TRAPPC12: variants seen among roughly 807,000 people sequenced by gnomAD.
TRAPPC12 encodes trafficking protein particle complex subunit 12, also known as TPR repeat protein 15.
In TRAPPC12, 61 loss-of-function variants were observed where a neutral mutation model predicts 69.2. That is an observed-to-expected ratio of 0.88 (90% CI 0.72 to 1.09). The LOEUF is 1.09. TRAPPC12 is among the 50% of genes least tolerant of loss of function. The pLI, the probability that TRAPPC12 is intolerant of heterozygous loss-of-function variation, is 0.00. For synonymous variants in TRAPPC12, 469 were observed against 438.9 expected (o/e 1.07, Z -0.86); for missense variants, 1,101 against 1,016.4 (o/e 1.08, Z -1.13).
intron 3 of TRAPPC12, among the ~76,000 whole-genome samples, chr2:3,417,598 G>A (rs969636577): frequency 3.3e-5 from 5 of 152,072 alleles, no homozygotes; most frequent in Admixed American, 6.5e-5. Context: ...GTGTCCCCCC[G>A]AGCCTAGCAC....
chr2:3,402,696 G>A (rs12105805), intron 3 of TRAPPC12, among the ~76,000 whole-genome samples: 3,346 of 152,314 alleles, frequency 0.022, 150 homozygotes, highest in African/African-American at 0.075. Context: ...CTGTAATTGC[G>A]TTGGGTAGCT....
In TRAPPC12 at chr2:3,460,247, T is replaced by C. The variant is rs1665410157; in HGVS notation, c.1604-16T>C. On this transcript the variant is annotated splice_polypyrimidine_tract_variant and intron_variant, in intron 7 of 11. Coordinates refer to ENST00000324266, the MANE Select transcript of TRAPPC12 (RefSeq NM_016030.6). Reference sequence around the variant, plus strand: ...CGAATTTATTTGTGCACTTACAGGCTGCTCTTACCTTGTAGCCTCTATCCG... The same window carrying C: ...CGAATTTATTTGTGCACTTACAGGCCGCTCTTACCTTGTAGCCTCTATCCG... 2 of 873,170 alleles carry C rather than the reference T, an allele frequency of 2.3e-6. No homozygotes were observed. Among genetic ancestry groups the C allele is most frequent in the South Asian group, 2.6e-5 (2 of 76,550 alleles). The allele number at this position is 873,170 out of a possible 1,614,324, so 54.1% of individuals were successfully genotyped here.
At chr2:3,403,294 G>A (rs1197727588) in intron 3 of TRAPPC12, among the ~76,000 whole-genome samples, 10 of 145,156 alleles carry the variant, frequency 6.9e-5, no homozygotes, top group South Asian at 4.3e-4. Flanking sequence ...GTGCAATGGC[G>A]TGATCTCAGC....
intron 2 of TRAPPC12, among the ~76,000 whole-genome samples, chr2:3,399,788 T>TA (rs1207980225): frequency 6.6e-6 from 1 of 152,010 alleles, no homozygotes; most frequent in Non-Finnish European, 1.5e-5. Context: ...AAACAACTTC[T>TA]ATGCTTTTCT....
intron 3 of TRAPPC12, among the ~76,000 whole-genome samples, chr2:3,413,584 T>C (rs182313228): frequency 2.6e-4 from 40 of 152,296 alleles, no homozygotes; most frequent in Admixed American, 5.9e-4. Context: ...CAAGAACATA[T>C]TTGAGGATAT....
Position 3,414,846 on chromosome 2 carries a change from T to G in TRAPPC12, c.1165-7035T>G, listed in dbSNP as rs1055880606. On this transcript the variant is annotated intron_variant, in intron 3 of 11. Transcript: ENST00000324266. This position sits in a 1 kb window ranked among gnomAD's most constrained non-coding sequence, Gnocchi z 4.9. ...ATAAACACACGTATGTGTGCATGTATGTATTTCTTATGGACATCACGTACG... is the reference window on the plus strand; with the variant it reads ...ATAAACACACGTATGTGTGCATGTAGGTATTTCTTATGGACATCACGTACG... 6.6e-6 allele frequency among the ~76,000 whole-genome samples: 1 copy of G among 152,212 alleles called. No individual in the cohort carries two copies. Among genetic ancestry groups the G allele is most frequent in the Non-Finnish European group, 1.5e-5 (1 of 68,042 alleles).
intron 3 of TRAPPC12, among the ~76,000 whole-genome samples, chr2:3,415,856 G>A (rs1662352262): frequency 6.6e-6 from 1 of 151,792 alleles, no homozygotes; most frequent in Admixed American, 6.6e-5. Context: ...AGCTGGGACT[G>A]CAGGCGCCCA....
rs745941993 is a variant in TRAPPC12 at position 3,388,028 on chromosome 2, G to A, written c.405G>A (p.Ala135=). The A allele has an allele frequency of 6.8e-7, 1 of 1,475,590 alleles. No individual in the cohort carries two copies. The highest frequency in any genetic ancestry group is 8.9e-7 in the Non-Finnish European group (1 of 1,120,044). 91.4% of individuals were successfully genotyped at this position (1,475,590 alleles called of 1,614,324 possible). A position where few individuals can be genotyped will look rare whatever the true frequency, so the allele number is the denominator to read the frequency against. The change falls in exon 2 of 12, where the codon GCG becomes GCA. Residue 135 remains alanine (A), a synonymous_variant. Transcript: ENST00000324266. ...GCGGAGGGGCCCCGAGGCAGGACGCGGCCCGCGAGGTCCCAGGCAGCGAAG... is the reference window on the plus strand; with the variant it reads ...GCGGAGGGGCCCCGAGGCAGGACGCAGCCCGCGAGGTCCCAGGCAGCGAAG... The part of the protein sequence containing the change: ...PSSGGAPRQD[A]AREVPGSEAA...
At chr2:3,391,488 A>G (rs548993039) in intron 2 of TRAPPC12, among the ~76,000 whole-genome samples, 21 of 152,342 alleles carry the variant, frequency 1.4e-4, no homozygotes, top group Admixed American at 8.5e-4. Flanking sequence ...GTGTAAGCCT[A>G]TAGACATCCG....
At chr2:3,428,973 C>T (rs1009767793) in intron 5 of TRAPPC12, among the ~76,000 whole-genome samples, 2 of 152,208 alleles carry the variant, frequency 1.3e-5, no homozygotes, top group Non-Finnish European at 2.9e-5. Flanking sequence ...GCTTCTTCCC[C>T]TCTCAGACCC....
intron 9 of TRAPPC12, chr2:3,466,277 C>T: frequency 2.1e-6 from 1 of 471,230 alleles, no homozygotes; most frequent in Non-Finnish European, 4.4e-6. Context: ...CAGCTTCTGC[C>T]CCTCTCACCC....
intron 3 of TRAPPC12, among the ~76,000 whole-genome samples, chr2:3,409,705 G>A (rs1002934223): frequency 4.7e-5 from 6 of 128,734 alleles, no homozygotes; most frequent in South Asian, 2.6e-4. Flanking sequence ...AGCCCTGATC[G>A]CACCACTGCA....
intron 7 of TRAPPC12, chr2:3,458,050 C>A: frequency 2.7e-6 from 1 of 364,564 alleles, no homozygotes. Flanking sequence ...AGAGAGGCCT[C>A]TGCGTCGGGG....
chr2:3,443,723 A>G (rs776184674), intron 5 of TRAPPC12, 56 bp from the exon 6 acceptor site: 2 of 1,385,026 alleles, frequency 1.4e-6, no homozygotes, highest in Non-Finnish European at 2.1e-6. Context: ...TGTGCCAAGT[A>G]TGAATGCGTG....
chr2:3,400,999 C>T (rs1044821049), intron 2 of TRAPPC12, among the ~76,000 whole-genome samples: 2 of 152,196 alleles, frequency 1.3e-5, no homozygotes, highest in Non-Finnish European at 2.9e-5. Flanking sequence ...CTTCAGATTC[C>T]ACGTCCAGTG....
chr2:3,465,177 CTT>C (rs1240809034), intron 8 of TRAPPC12, among the ~76,000 whole-genome samples: 1 of 152,216 alleles, frequency 6.6e-6, no homozygotes, highest in East Asian at 1.9e-4. Context: ...TTAAGAGACA[CTT>C]TAAAAATTTG....
At chr2:3,422,885 T>C (rs1322222665) in intron 4 of TRAPPC12, among the ~76,000 whole-genome samples, 1 of 152,268 alleles carries the variant, frequency 6.6e-6, no homozygotes, top group Non-Finnish European at 1.5e-5. Flanking sequence ...AGTTTCTTTA[T>C]TCACATTCAT....
At chr2:3,468,651 A>G (rs530093376) in intron 9 of TRAPPC12, among the ~76,000 whole-genome samples, 2 of 152,274 alleles carry the variant, frequency 1.3e-5, no homozygotes, top group Admixed American at 1.3e-4. Flanking sequence ...GTGTGCTCAG[A>G]ATTGCCCTTG....
At chr2:3,433,729 A>G (rs1421974777) in intron 5 of TRAPPC12, among the ~76,000 whole-genome samples, 2 of 152,162 alleles carry the variant, frequency 1.3e-5, no homozygotes, top group Non-Finnish European at 2.9e-5. Context: ...TTGTAGGAGT[A>G]TTTTCATTTA....
Sources: allele counts gnomAD v4.1 joint callset (sites outside exome capture counted in the v4.1 genomes callset), GRCh38; gene constraint gnomAD v4.1.1; non-coding constraint Gnocchi (gnomAD v3.1); transcripts MANE v1.5; gene names NCBI Gene and HGNC (gene_info 2026-07-23, HGNC 2026-07-21).